CDH18: variants seen among roughly 807,000 people sequenced by gnomAD.
CDH18 encodes cadherin-18.
CDH18 carries 31 observed loss-of-function variants against 67.9 expected under a neutral mutation model. That is an observed-to-expected ratio of 0.46 (90% CI 0.34 to 0.62). The LOEUF (loss-of-function observed/expected upper bound fraction) is 0.62, where lower values mean the gene tolerates loss of function less well. CDH18 is among the 20% of genes least tolerant of loss of function. The pLI is 0.01. For synonymous variants in CDH18, 362 were observed against 347.2 expected (o/e 1.04, Z -0.48); for missense variants, 890 against 975.5 (o/e 0.91, Z 1.17).
chr5:20,542,283 G>T (rs16886331), intron 1 of CDH18, among the ~76,000 whole-genome samples: 1,848 of 151,398 alleles, frequency 0.012, 29 homozygotes, highest in African/African-American at 0.043. Flanking sequence ...AGAGGAGAAG[G>T]GATAAACAGT....
chr5:20,528,099 G>T (rs576875420), intron 1 of CDH18, among the ~76,000 whole-genome samples: 1 of 152,052 alleles, frequency 6.6e-6, no homozygotes, highest in African/African-American at 2.4e-5. Context: ...AGAAAAAAGT[G>T]GGGGTTGCAA....
chr5:20,545,725 C>T (rs373600030), intron 1 of CDH18, among the ~76,000 whole-genome samples: 120 of 152,278 alleles, frequency 7.9e-4, no homozygotes, highest in African/African-American at 2.7e-3. Context: ...ATGAGAGGGG[C>T]TACTGCCAAG....
At chr5:19,867,002 T>C (rs375750985) in intron 2 of CDH18, among the ~76,000 whole-genome samples, 27 of 152,152 alleles carry the variant, frequency 1.8e-4, no homozygotes, top group East Asian at 1.4e-3. Flanking sequence ...AGGCAGAGAA[T>C]TGCTTGAACC....
At chr5:19,547,569 T>A (rs1736557156) in intron 8 of CDH18, among the ~76,000 whole-genome samples, 1 of 152,218 alleles carries the variant, frequency 6.6e-6, no homozygotes, top group Non-Finnish European at 1.5e-5. Flanking sequence ...CTCCTCTTTT[T>A]TAGCCACTTC....
chr5:19,889,911 A>G (rs985146442), intron 2 of CDH18, among the ~76,000 whole-genome samples: 3 of 152,180 alleles, frequency 2.0e-5, no homozygotes, highest in Non-Finnish European at 4.4e-5. Context: ...TGTACACATG[A>G]GAAAAATCTT....
intron 5 of CDH18, among the ~76,000 whole-genome samples, chr5:19,621,955 T>C (rs574608322): frequency 8.5e-4 from 129 of 152,346 alleles, no homozygotes; most frequent in Middle Eastern, 3.4e-3. Flanking sequence ...ATGGAGCATA[T>C]AGAATTCTGT....
At chr5:20,231,914 G>T (rs1319467601) in intron 2 of CDH18, among the ~76,000 whole-genome samples, 1 of 151,924 alleles carries the variant, frequency 6.6e-6, no homozygotes, top group African/African-American at 2.4e-5. Context: ...AACTTTTAAA[G>T]CTAAATCAAT....
intron 2 of CDH18, among the ~76,000 whole-genome samples, chr5:19,952,992 C>A (rs1227473173): frequency 6.6e-6 from 1 of 152,110 alleles, no homozygotes; most frequent in Non-Finnish European, 1.5e-5. Context: ...CTAGCAAACA[C>A]ATATTTATCT....
chr5:19,877,059 A>G (rs1787090937), intron 2 of CDH18, among the ~76,000 whole-genome samples: 1 of 152,132 alleles, frequency 6.6e-6, no homozygotes. Flanking sequence ...CCCAATGACT[A>G]TGAAAACAAA....
intron 2 of CDH18, among the ~76,000 whole-genome samples, chr5:20,149,218 G>A (rs1411654818): frequency 6.6e-6 from 1 of 152,016 alleles, no homozygotes; most frequent in Non-Finnish European, 1.5e-5. Flanking sequence ...AAAATAAAGA[G>A]GCATATATTT....
At chr5:20,395,831 A>G (rs1179454955) in intron 1 of CDH18, among the ~76,000 whole-genome samples, 1 of 152,036 alleles carries the variant, frequency 6.6e-6, no homozygotes, top group Non-Finnish European at 1.5e-5. Flanking sequence ...TGAGGGCAGA[A>G]AGGCTGAAGG....
chr5:19,643,841 C>G (rs144602869), intron 5 of CDH18, among the ~76,000 whole-genome samples: 1 of 152,126 alleles, frequency 6.6e-6, no homozygotes, highest in Admixed American at 6.6e-5. Context: ...TATCAACACA[C>G]ACAAACACAA....
Position 20,199,060 on chromosome 5 carries a change from A to C in CDH18, c.-518+56384T>G, listed in dbSNP as rs112487495. ...AGAGCCCTCATGAAGAACCTTTGCT[A>C]GGGCAATGCAGCAGGGAAATGTGGG... is the stretch of plus-strand genomic sequence containing the variant. On this transcript the variant is annotated intron_variant, in intron 2 of 14. Coordinates refer to the CDH18 transcript ENST00000507958. Among the ~76,000 whole-genome samples, 1,133 of 152,332 alleles carry C rather than the reference A, an allele frequency of 7.4e-3. 17 individuals are homozygous for C. Among genetic ancestry groups the C allele is most frequent in the African/African-American group, 0.026 (1,088 of 41,574 alleles).
At chr5:19,483,955 A>C (rs1579716684) in intron 11 of CDH18, among the ~76,000 whole-genome samples, 1 of 152,182 alleles carries the variant, frequency 6.6e-6, no homozygotes, top group East Asian at 1.9e-4. Context: ...AGGAGCACAA[A>C]TCTGTATTTT....
intron 7 of CDH18, among the ~76,000 whole-genome samples, chr5:19,586,418 C>A (rs1327183250): frequency 6.6e-6 from 1 of 152,038 alleles, no homozygotes; most frequent in African/African-American, 2.4e-5. Context: ...TCCATGTATT[C>A]TCATCATTTA....
Position 19,712,701 on chromosome 5 carries a change from T to C in CDH18, c.643+8646A>G, listed in dbSNP as rs554373536. Among the ~76,000 whole-genome samples, 33 of 150,606 alleles carry C rather than the reference T, an allele frequency of 2.2e-4. No homozygotes were observed. In the Middle Eastern group the frequency reaches 0.011, roughly 48 times the overall value. On this transcript the variant is annotated intron_variant, in intron 5 of 12. Coordinates refer to ENST00000382275, the MANE Select transcript of CDH18 (RefSeq NM_004934.5). ...TATATATATGTATGTATTCTACATATATGTATATATAATAGGAAAATTATA... is the reference window on the plus strand; with the variant it reads ...TATATATATGTATGTATTCTACATACATGTATATATAATAGGAAAATTATA...
At chr5:20,037,372 A>G (rs1739969649) in intron 2 of CDH18, among the ~76,000 whole-genome samples, 1 of 152,088 alleles carries the variant, frequency 6.6e-6, no homozygotes, top group Non-Finnish European at 1.5e-5. Context: ...AGACATCTAC[A>G]GAACTCTCCA....
chr5:19,519,032 C>G (rs4409094), intron 10 of CDH18, among the ~76,000 whole-genome samples: 15,125 of 152,098 alleles, frequency 0.099, 1,030 homozygotes, highest in Non-Finnish European at 0.13. Context: ...CCTAGCTGTA[C>G]CCGGTCAGGT....
In CDH18 at chr5:19,868,612, C is replaced by T. The variant is rs114926779; in HGVS notation, c.-256-29370G>A. On this transcript the variant is annotated intron_variant, in intron 2 of 12. Transcript: ENST00000382275. ...ATATGTATATCAAATGAGTTGAGAC[C>T]ACCAACTCCTCAGATTCCTCACATG... 1.8e-3 allele frequency among the ~76,000 whole-genome samples: 271 copies of T among 152,234 alleles called. 1 individual carries two copies. Among genetic ancestry groups the T allele is most frequent in the African/African-American group, 6.0e-3 (248 of 41,558 alleles).
Sources: gnomAD v4.1 joint callset for allele counts (sites outside exome capture counted in the v4.1 genomes callset) on GRCh38, gnomAD v4.1.1 for gene constraint, MANE v1.5 for transcripts, NCBI Gene and HGNC (gene_info 2026-07-23, HGNC 2026-07-21) for gene names.